Variants in AFG2A observed in about 807,000 individuals in gnomAD.
AFG2A encodes the protein AAA ATPase AFG2A, also known as ATPase family gene 2 protein homolog A.
the AFG2A span, among the ~76,000 whole-genome samples, chr4:123,084,590 ATGTGTGTG>A: frequency 2.1e-5 from 3 of 143,300 alleles, no homozygotes; most frequent in East Asian, 2.0e-4. Context: ...GTATATATAT[ATGTGTGTG>A]TGTGTGTGTG....
At chr4:122,960,034 G>C in the AFG2A span, among the ~76,000 whole-genome samples, 3 of 152,134 alleles carry the variant, frequency 2.0e-5, no homozygotes, top group Admixed American at 1.3e-4. Flanking sequence ...TTTTTAGCTA[G>C]AGTGTGGTTT....
chr4:123,114,443 T>C, the AFG2A span, among the ~76,000 whole-genome samples: 1 of 152,158 alleles, frequency 6.6e-6, no homozygotes, highest in East Asian at 1.9e-4. Flanking sequence ...CTCATTCAGC[T>C]CCATCTTGGC....
chr4:123,165,401 TAAA>T, the AFG2A span, among the ~76,000 whole-genome samples: 2 of 152,104 alleles, frequency 1.3e-5, no homozygotes, highest in African/African-American at 4.8e-5. Flanking sequence ...ATAAAGTTAT[TAAA>T]AATAATTTAT....
chr4:123,110,705 G>A, the AFG2A span, among the ~76,000 whole-genome samples: 8 of 152,206 alleles, frequency 5.3e-5, no homozygotes, highest in South Asian at 2.1e-4. Context: ...ACAGCACACC[G>A]TGCTTTATGT....
chr4:123,252,454 A>G, the AFG2A span, among the ~76,000 whole-genome samples: 3,359 of 151,168 alleles, frequency 0.022, 114 homozygotes, highest in African/African-American at 0.076. Context: ...TTAAATAAGT[A>G]TTCTTTCTCT....
the AFG2A span, among the ~76,000 whole-genome samples, chr4:123,032,363 A>G: frequency 6.6e-6 from 1 of 151,816 alleles, no homozygotes; most frequent in Non-Finnish European, 1.5e-5. Context: ...AGTGATATGC[A>G]CTCTGTGGAA....
chr4:123,270,920 C>G, the AFG2A span, among the ~76,000 whole-genome samples: 1 of 152,138 alleles, frequency 6.6e-6, no homozygotes. Context: ...GATGAAAGGC[C>G]AGCTACGTTT....
At chr4:123,176,390 CA>C in the AFG2A span, among the ~76,000 whole-genome samples, 1 of 152,128 alleles carries the variant, frequency 6.6e-6, no homozygotes, top group Non-Finnish European at 1.5e-5. Flanking sequence ...GAGCAGCTCT[CA>C]AATATCCCTT....
chr4:123,056,512 G>T, the AFG2A span: 1 of 1,322,752 alleles, frequency 7.6e-7, no homozygotes, highest in Non-Finnish European at 1.0e-6. Context: ...CTTCCCTTTT[G>T]TTTTAGGTAA....
At chr4:123,047,285 C>T in the AFG2A span, among the ~76,000 whole-genome samples, 1 of 152,258 alleles carries the variant, frequency 6.6e-6, no homozygotes, top group Admixed American at 6.5e-5. Context: ...TTGATAATAA[C>T]CATTCTAACT....
chr4:122,990,097 C>T, the AFG2A span, among the ~76,000 whole-genome samples: 2 of 152,110 alleles, frequency 1.3e-5, no homozygotes, highest in South Asian at 4.1e-4. Flanking sequence ...AATTCCTAGG[C>T]TCAAGCAGTC....
the AFG2A span, among the ~76,000 whole-genome samples, chr4:123,303,725 C>T: frequency 9.9e-5 from 15 of 152,212 alleles, 1 homozygote; most frequent in African/African-American, 3.6e-4. Context: ...CAAACTACTT[C>T]ATTCCAGCCT....
chr4:123,185,177 G>A, the AFG2A span, among the ~76,000 whole-genome samples: 1 of 138,504 alleles, frequency 7.2e-6, no homozygotes, highest in Non-Finnish European at 1.6e-5. Flanking sequence ...AAAATTGGAG[G>A]AATATTAGTA....
chr4:122,980,871 G>A, the AFG2A span, among the ~76,000 whole-genome samples: 1 of 151,808 alleles, frequency 6.6e-6, no homozygotes, highest in Admixed American at 6.6e-5. Context: ...AGTTGTTTGA[G>A]TTTCTTAATA....
chr4:123,120,969 G>C, the AFG2A span, among the ~76,000 whole-genome samples: 1 of 152,068 alleles, frequency 6.6e-6, no homozygotes, highest in Non-Finnish European at 1.5e-5. Context: ...GTAAACGTAC[G>C]AGATGACAGC....
At chr4:123,174,841 A>G in the AFG2A span, among the ~76,000 whole-genome samples, 1 of 151,314 alleles carries the variant, frequency 6.6e-6, no homozygotes, top group Non-Finnish European at 1.5e-5. Flanking sequence ...ATATATATAT[A>G]TTATTTTGAG....
At chr4:123,297,987 C>T in the AFG2A span, among the ~76,000 whole-genome samples, 2 of 152,114 alleles carry the variant, frequency 1.3e-5, no homozygotes, top group South Asian at 4.1e-4. Context: ...AACCAACAAT[C>T]GGCCTGACTC....
At chr4:122,936,266 A>T in the AFG2A span, 1 of 602,206 alleles carries the variant, frequency 1.7e-6, no homozygotes, top group Non-Finnish European at 2.6e-6. Context: ...AATTATAGTG[A>T]TAGTGGTAGA....
At chr4:123,294,929 A>T in the AFG2A span, among the ~76,000 whole-genome samples, 1 of 152,208 alleles carries the variant, frequency 6.6e-6, no homozygotes, top group Non-Finnish European at 1.5e-5. Flanking sequence ...TGAAAAGTTG[A>T]TGTAAGAGAA....
Sources: allele counts gnomAD v4.1 joint callset (sites outside exome capture counted in the v4.1 genomes callset), GRCh38; gene constraint gnomAD v4.1.1; transcripts MANE v1.5; gene names NCBI Gene and HGNC (gene_info 2026-07-23, HGNC 2026-07-21).